ZNF282: variants seen among roughly 807,000 people sequenced by gnomAD.
ZNF282 encodes zinc finger protein 282.
ZNF282 carries 30 observed loss-of-function variants against 61.9 expected under a neutral mutation model. The ratio of observed to expected loss-of-function variants is 0.48; its 90% CI spans 0.36 to 0.66. ZNF282 has a LOEUF of 0.66. ZNF282 is among the 30% of genes least tolerant of loss of function. ZNF282 has a pLI of 0.00. For synonymous variants in ZNF282, 396 were observed against 405.0 expected (o/e 0.98, Z 0.27); for missense variants, 788 against 941.4 (o/e 0.84, Z 2.13).
chr7:149,207,022 A>G (rs946569726), intron 3 of ZNF282, among the ~76,000 whole-genome samples, 200 bp downstream of exon 3: 7 of 152,184 alleles, frequency 4.6e-5, no homozygotes, highest in African/African-American at 1.7e-4. Flanking sequence ...AACAGGGCCC[A>G]TTACCATAGA....
At position 149,206,748 on chromosome 7, in the gene ZNF282, A is replaced by G; in HGVS notation, c.638A>G (p.Lys213Arg). Reference sequence around the variant, plus strand: ...GTGTACTTCTCCGAAGACGAGTGGAAGAACTTGGACGAATGGCAGAAGGAG... The same window carrying G: ...GTGTACTTCTCCGAAGACGAGTGGAGGAACTTGGACGAATGGCAGAAGGAG... ...IAVYFSEDEW[K>R]NLDEWQKELY... The change falls in exon 3 of 8, where the codon AAG (lysine) becomes AGG (arginine). Residue 213 changes from lysine (K) to arginine (R), a missense_variant. Physicochemically the swap from Lys to Arg is conservative, Grantham distance 26. Coordinates refer to ENST00000610704, the MANE Select transcript of ZNF282 (RefSeq NM_003575.4). 6.2e-7 allele frequency: 1 copy of G among 1,614,226 alleles called. No homozygotes were observed. The highest frequency in any genetic ancestry group is 8.5e-7 in the Non-Finnish European group (1 of 1,180,034).
At chr7:149,214,752 G>C (rs149049008) in intron 7 of ZNF282, among the ~76,000 whole-genome samples, 56 of 152,280 alleles carry the variant, frequency 3.7e-4, no homozygotes, top group Middle Eastern at 3.4e-3. Context: ...AGGATCGCTT[G>C]AGCCTGGGAG....
chr7:149,215,256 G>A (rs963853467), intron 7 of ZNF282, among the ~76,000 whole-genome samples: 4 of 141,786 alleles, frequency 2.8e-5, no homozygotes, highest in South Asian at 2.4e-4. Context: ...AGGCTGGAGC[G>A]CAGTGGTGCG....
At position 149,198,364 on chromosome 7, in the gene ZNF282, C is replaced by A; in HGVS notation, c.197C>A (p.Pro66Gln). Reference protein sequence around the residue: ...AQEWDMDARRPMPFQFPPFPD... With the variant: ...AQEWDMDARRQMPFQFPPFPD... The stretch of plus-strand genomic sequence containing the variant: ...GAATGGGACATGGACGCCCGGCGGC[C>A]AATGCCTTTTCAGTTCCCACCCTTT... The change falls in exon 2 of 8, where the codon CCA becomes CAA. Residue 66 changes from proline (P) to glutamine (Q), a missense_variant. By Grantham distance (76) the Pro-to-Gln change is moderately conservative. Transcript: ENST00000610704. This position sits in a 1 kb window ranked among gnomAD's most constrained non-coding sequence, Gnocchi z 4.3. The A allele has an allele frequency of 6.2e-7, 1 of 1,613,222 alleles. No homozygotes were observed. The highest frequency in any genetic ancestry group is 8.5e-7 in the Non-Finnish European group (1 of 1,179,368).
chr7:149,221,475 G>C (rs899595547), intron 7 of ZNF282, among the ~76,000 whole-genome samples: 1 of 152,210 alleles, frequency 6.6e-6, no homozygotes, highest in African/African-American at 2.4e-5. Context: ...CTTCCCGGGA[G>C]ACAGCCCCTG....
At position 149,224,073 on chromosome 7, in the gene ZNF282, G is replaced by A. The variant is rs1294467303; in HGVS notation, c.1442G>A (p.Gly481Asp). The part of the protein sequence containing the change: ...STGGGGGDGG[G>D]GGGGAEAGTG... The stretch of plus-strand genomic sequence containing the variant: ...GGGGGCGGCGGGGGCGATGGGGGCG[G>A]TGGGGGCGGCGGCGCGGAGGCGGGG... The change falls in exon 8 of 8, where the codon GGT (glycine) becomes GAT (aspartate). Residue 481 changes from glycine (G) to aspartate (D), a missense_variant. By Grantham distance (94) the Gly-to-Asp change is moderately conservative. Coordinates refer to ENST00000610704, the MANE Select transcript of ZNF282 (RefSeq NM_003575.4). The A allele has an allele frequency of 8.3e-7, 1 of 1,203,554 alleles. No individual in the cohort carries two copies. The highest frequency in any genetic ancestry group is 1.0e-6 in the Non-Finnish European group (1 of 970,374). The allele number at this position is 1,203,554 out of a possible 1,614,324, so 74.6% of individuals were successfully genotyped here.
At chr7:149,204,007 G>T (rs931532377) in intron 2 of ZNF282, among the ~76,000 whole-genome samples, 1 of 152,164 alleles carries the variant, frequency 6.6e-6, no homozygotes, top group African/African-American at 2.4e-5. Context: ...TTAGGTGAGT[G>T]GGTCTGGCTC....
chr7:149,216,749 G>A (rs545583322), intron 7 of ZNF282, among the ~76,000 whole-genome samples: 1 of 152,292 alleles, frequency 6.6e-6, no homozygotes, highest in African/African-American at 2.4e-5. Context: ...CGGGATACCT[G>A]TCCTTGCCAA....
In ZNF282 at chr7:149,224,458, G is replaced by A; in HGVS notation, c.1827G>A (p.Lys609=). The A allele has an allele frequency of 6.2e-7, 1 of 1,613,754 alleles. No homozygotes were observed. The highest frequency in any genetic ancestry group is 8.5e-7 in the Non-Finnish European group (1 of 1,179,958). ...ERPFQCALCG[K]SFIRKQNLLK... Reference sequence around the variant, plus strand: ...CTTTCCAATGTGCACTGTGCGGCAAGAGCTTCATCCGCAAGCAGAACCTGC... The same window carrying A: ...CTTTCCAATGTGCACTGTGCGGCAAAAGCTTCATCCGCAAGCAGAACCTGC... Residue 609 remains lysine, a synonymous_variant, in exon 8 of 8, where the codon AAG becomes AAA. Transcript: ENST00000610704.
intron 4 of ZNF282, among the ~76,000 whole-genome samples, chr7:149,210,176 A>ACT (rs1032799709): frequency 3.9e-5 from 6 of 151,966 alleles, no homozygotes; most frequent in African/African-American, 1.5e-4. Flanking sequence ...GCTCTTTCTG[A>ACT]CTGGGGTGAC....
intron 2 of ZNF282, among the ~76,000 whole-genome samples, chr7:149,200,563 C>G (rs1433274179): frequency 6.6e-6 from 1 of 152,128 alleles, no homozygotes; most frequent in Non-Finnish European, 1.5e-5. Context: ...TCCCTCATGA[C>G]TGCATCCCGT....
At chr7:149,199,859 T>A (rs1795881773) in intron 2 of ZNF282, among the ~76,000 whole-genome samples, 1 of 152,172 alleles carries the variant, frequency 6.6e-6, no homozygotes, top group East Asian at 1.9e-4. Context: ...TTTGCAAATA[T>A]GTCAGTATTA....
chr7:149,220,184 G>A (rs998852829), intron 7 of ZNF282, among the ~76,000 whole-genome samples: 1 of 152,098 alleles, frequency 6.6e-6, no homozygotes, highest in Non-Finnish European at 1.5e-5. Context: ...CGAGACGGGC[G>A]GATCCTGAGG....
In ZNF282 at chr7:149,213,776, A is replaced by G. The variant is rs779303278; in HGVS notation, c.1142A>G (p.Asp381Gly). 1 of 1,613,784 alleles carries G rather than the reference A, an allele frequency of 6.2e-7. No individual in the cohort carries two copies. Among genetic ancestry groups the G allele is most frequent in the South Asian group, 1.1e-5 (1 of 91,048 alleles). ...EEQPYPWGPRDSMDGELGLDS... is the reference protein window; with the variant it reads ...EEQPYPWGPRGSMDGELGLDS... ...CAGCCATACCCATGGGGACCACGCG[A>G]CTCAATGGACGGAGAGCTTGGATTA... is the stretch of plus-strand genomic sequence containing the variant. Residue 381 changes from aspartate (D) to glycine (G), a missense_variant, in exon 7 of 8, where the codon GAC becomes GGC. Asp to Gly is a moderately conservative substitution (Grantham distance 94). This residue lies in a region of ZNF282 where 559 missense variants were observed against 642.0 expected (regional missense o/e 0.87). Coordinates refer to ENST00000610704, the MANE Select transcript of ZNF282 (RefSeq NM_003575.4).
rs867889220 is a variant in ZNF282, at chr7:149,204,354, G to A, written c.586-2342G>A. Among the ~76,000 whole-genome samples the A allele has an allele frequency of 3.9e-5, 6 of 152,250 alleles. No homozygotes were observed. The South Asian group carries it at 1.2e-3, about 31-fold the overall frequency. The stretch of plus-strand genomic sequence containing the variant: ...AGGTACAGAGGCAGAATCTAAGGGG[G>A]TAAAGAATGCATAGATGGTGAAGAG... On this transcript the variant is annotated intron_variant, in intron 2 of 7. Transcript: ENST00000610704.
intron 7 of ZNF282, among the ~76,000 whole-genome samples, 172 bp from the exon 8 acceptor site, chr7:149,223,638 TGG>T (rs1353810397): frequency 1.3e-5 from 2 of 152,150 alleles, no homozygotes; most frequent in Non-Finnish European, 2.9e-5. Context: ...CACAGCAGGG[TGG>T]CTTCGAACAG....
rs945592861 is a variant in ZNF282 at position 149,200,657 on chromosome 7, G to A, written c.585+1905G>A. On this transcript the variant is annotated intron_variant, in intron 2 of 7. Transcript: ENST00000610704. ...GTTGCCCAGACTGGAGTGCAGTGAC[G>A]TGATCTTGGCTCACTGCAACCTCTG... Among the ~76,000 whole-genome samples, 6 of 152,166 alleles carry A rather than the reference G, an allele frequency of 3.9e-5. No individual in the cohort carries two copies. The East Asian group carries it at 7.7e-4, about 20-fold the overall frequency.
intron 7 of ZNF282, among the ~76,000 whole-genome samples, chr7:149,221,201 G>A (rs1471423578): frequency 1.3e-5 from 2 of 152,210 alleles, no homozygotes; most frequent in African/African-American, 2.4e-5. Flanking sequence ...TTACAGGCAT[G>A]AGCCACAGTG....
At chr7:149,197,969 T>C (rs1334539845) in intron 1 of ZNF282, among the ~76,000 whole-genome samples, 1 of 152,228 alleles carries the variant, frequency 6.6e-6, no homozygotes, top group Non-Finnish European at 1.5e-5. Context: ...CTTGGAAACA[T>C]AAAACACTAG....
Sources: allele counts gnomAD v4.1 joint callset (sites outside exome capture counted in the v4.1 genomes callset), GRCh38; gene constraint gnomAD v4.1.1; regional missense constraint gnomAD v4.1.1; non-coding constraint Gnocchi (gnomAD v3.1); transcripts MANE v1.5; gene names NCBI Gene and HGNC (gene_info 2026-07-23, HGNC 2026-07-21).